Variants in BNC2 observed in about 807,000 individuals in gnomAD.
The protein encoded by BNC2 is zinc finger protein basonuclin-2.
In BNC2, 20 loss-of-function variants were observed where a neutral mutation model predicts 76.3. The observed-to-expected ratio is 0.26, with a 90% CI of 0.18 to 0.38. BNC2 has a LOEUF of 0.38. Among genes scored for constraint, BNC2 ranks in the 10% least tolerant of loss-of-function variants. BNC2 has a pLI of 1.00. For synonymous variants in BNC2, 582 were observed against 514.8 expected (o/e 1.13, Z -1.77); for missense variants, 1,382 against 1,399.8 (o/e 0.99, Z 0.20).
At chr9:16,713,092 G>A (rs1368841214) in intron 3 of BNC2, among the ~76,000 whole-genome samples, 3 of 152,288 alleles carry the variant, frequency 2.0e-5, no homozygotes, top group Middle Eastern at 3.4e-3. Flanking sequence ...TCCATGGTGG[G>A]AAATTGTCAT....
intron 5 of BNC2, among the ~76,000 whole-genome samples, chr9:16,545,798 G>A (rs544235020): frequency 6.6e-6 from 1 of 152,184 alleles, no homozygotes; most frequent in South Asian, 2.1e-4. Context: ...ATCCCACAGA[G>A]AACCTTCATC....
intron 5 of BNC2, among the ~76,000 whole-genome samples, chr9:16,536,708 A>G (rs1348934627): frequency 2.0e-5 from 3 of 152,200 alleles, no homozygotes; most frequent in Non-Finnish European, 2.9e-5. Context: ...AAATGAAAAG[A>G]GAAAATATAA....
At chr9:16,520,009 C>T (rs1269438263) in intron 5 of BNC2, among the ~76,000 whole-genome samples, 2 of 152,188 alleles carry the variant, frequency 1.3e-5, no homozygotes, top group Non-Finnish European at 2.9e-5. Flanking sequence ...ATCAAATTAT[C>T]TTTAAGAATC....
In BNC2 at chr9:16,648,996, GC is replaced by G. The variant is rs1451414243; in HGVS notation, c.331-65912del. 2.0e-5 allele frequency among the ~76,000 whole-genome samples: 3 copies of G among 152,204 alleles called. No individual in the cohort carries two copies. The East Asian group carries it at 5.8e-4, about 29-fold the overall frequency. ...GCTAAAATAGCATAACGACTTAGTC[GC>G]CTTAGACTCTGTATGAAAGACAAAA... On this transcript the variant is annotated intron_variant, in intron 3 of 6. Coordinates refer to ENST00000380672, the MANE Select transcript of BNC2 (RefSeq NM_017637.6).
rs557503197 is a variant in BNC2 at position 16,515,009 on chromosome 9, C to A, written c.669+37521G>T. ...AAAACTGTCTGGCAGTTACACTGAC[C>A]CAGAAGGGAACAGACGGGAGGAAAG... is the stretch of plus-strand genomic sequence containing the variant. On this transcript the variant is annotated intron_variant, in intron 5 of 6. Transcript: ENST00000380672. Among the ~76,000 whole-genome samples, 19 of 152,160 alleles carry A rather than the reference C, an allele frequency of 1.2e-4. No homozygotes were observed. The South Asian group carries it at 4.0e-3, about 32-fold the overall frequency.
At chr9:16,510,179 C>G (rs924659243) in intron 5 of BNC2, among the ~76,000 whole-genome samples, 1 of 152,200 alleles carries the variant, frequency 6.6e-6, no homozygotes, top group Non-Finnish European at 1.5e-5. Context: ...CTTAGAGAAG[C>G]TGGCCTCAGT....
chr9:16,753,003 C>A (rs1419830664), intron 1 of BNC2, among the ~76,000 whole-genome samples: 1 of 152,130 alleles, frequency 6.6e-6, no homozygotes, highest in Non-Finnish European at 1.5e-5. Flanking sequence ...CCATGTCCCT[C>A]AACATCATAT....
intron 5 of BNC2, among the ~76,000 whole-genome samples, chr9:16,469,476 T>C (rs1246255432): frequency 1.3e-5 from 2 of 152,242 alleles, no homozygotes; most frequent in Non-Finnish European, 2.9e-5. Context: ...TCACCATGAT[T>C]CTGAGGCCTC....
At chr9:16,769,960 G>A (rs1478366614) in intron 1 of BNC2, among the ~76,000 whole-genome samples, 1 of 152,074 alleles carries the variant, frequency 6.6e-6, no homozygotes, top group Non-Finnish European at 1.5e-5. Flanking sequence ...CCAGGCCTTG[G>A]GAAATTTACA....
At chr9:16,733,067 T>C (rs1283015870) in intron 2 of BNC2, among the ~76,000 whole-genome samples, 2 of 152,178 alleles carry the variant, frequency 1.3e-5, no homozygotes, top group African/African-American at 4.8e-5. Context: ...CATTAAGGTA[T>C]ATAACTTAAT....
At chr9:16,571,396 G>T (rs10117448) in intron 4 of BNC2, among the ~76,000 whole-genome samples, 115 of 151,970 alleles carry the variant, frequency 7.6e-4, no homozygotes, top group Non-Finnish European at 1.5e-3. Flanking sequence ...TATCCCCCAA[G>T]AACTCCAAAT....
At chr9:16,797,121 T>C (rs1026958812) in intron 1 of BNC2, among the ~76,000 whole-genome samples, 1 of 151,454 alleles carries the variant, frequency 6.6e-6, no homozygotes, top group Non-Finnish European at 1.5e-5. Flanking sequence ...TTTCTCAGTG[T>C]CTGTCACTAT....
chr9:16,603,068 T>A (rs1219541321), intron 3 of BNC2, among the ~76,000 whole-genome samples: 1 of 152,216 alleles, frequency 6.6e-6, no homozygotes, highest in Non-Finnish European at 1.5e-5. Flanking sequence ...ATTACATGCT[T>A]CGAAAAGATG....
At chr9:16,648,262 T>C (rs536613674) in intron 3 of BNC2, among the ~76,000 whole-genome samples, 2 of 152,372 alleles carry the variant, frequency 1.3e-5, no homozygotes, top group East Asian at 3.9e-4. Flanking sequence ...TCACAGTTAC[T>C]ACTGCCATAC....
intron 3 of BNC2, among the ~76,000 whole-genome samples, chr9:16,597,132 A>C (rs1361843633): frequency 1.3e-5 from 2 of 152,136 alleles, no homozygotes; most frequent in South Asian, 2.1e-4. Context: ...GGTCCTCTTA[A>C]CTTTTACACA....
chr9:16,551,941 G>C (rs555354973), intron 5 of BNC2, among the ~76,000 whole-genome samples: 1 of 152,316 alleles, frequency 6.6e-6, no homozygotes, highest in East Asian at 1.9e-4. Context: ...GTTCTGCAAA[G>C]ACGAAATCTA....
rs147064937 is a variant in BNC2 at position 16,691,465 on chromosome 9, T to G, written c.330+36332A>C. Among the ~76,000 whole-genome samples the G allele has an allele frequency of 4.0e-4, 61 of 151,668 alleles. No individual in the cohort carries two copies. In the East Asian group the frequency reaches 0.011, roughly 28 times the overall value. On this transcript the variant is annotated intron_variant, in intron 3 of 6. Coordinates refer to ENST00000380672, the MANE Select transcript of BNC2 (RefSeq NM_017637.6). The stretch of plus-strand genomic sequence containing the variant: ...GTTTTAGCATTGGAGAAAATGAGAA[T>G]GAAGTCACTTGTACCAGATCCACGG...
At chr9:16,657,796 C>T (rs1207049551) in intron 3 of BNC2, among the ~76,000 whole-genome samples, 1 of 152,148 alleles carries the variant, frequency 6.6e-6, no homozygotes, top group Non-Finnish European at 1.5e-5. Flanking sequence ...AATGACATTA[C>T]ATCATATCAA....
chr9:16,809,266 C>G (rs904228192), intron 1 of BNC2, among the ~76,000 whole-genome samples: 1 of 152,112 alleles, frequency 6.6e-6, no homozygotes, highest in Admixed American at 6.6e-5. Context: ...CTGGATCACT[C>G]TCTGATGACC....
Sources: allele counts gnomAD v4.1 joint callset (sites outside exome capture counted in the v4.1 genomes callset), GRCh38; gene constraint gnomAD v4.1.1; transcripts MANE v1.5; gene names NCBI Gene and HGNC (gene_info 2026-07-23, HGNC 2026-07-21).